The following ZBTB38 variants were observed in gnomAD, a reference collection of about 807,000 sequenced individuals.
The protein encoded by ZBTB38 is zinc finger and BTB domain-containing protein 38.
In ZBTB38, 20 loss-of-function variants were observed where a neutral mutation model predicts 76.8. The observed-to-expected ratio is 0.26, with a 90% CI of 0.18 to 0.38. The LOEUF (loss-of-function observed/expected upper bound fraction) is 0.38. Ranked by LOEUF, ZBTB38 falls within the 10% of genes least tolerant of loss-of-function variation. The pLI is 1.00. For synonymous variants in ZBTB38, 504 were observed against 544.2 expected (o/e 0.93, Z 1.03); for missense variants, 1,082 against 1,482.3 (o/e 0.73, Z 4.43).
chr3:141,340,356 A>G (rs1943137059), intron 1 of ZBTB38, among the ~76,000 whole-genome samples: 1 of 152,210 alleles, frequency 6.6e-6, no homozygotes, highest in African/African-American at 2.4e-5. Context: ...ACTTTGCCTA[A>G]AAGACCTATG....
At chr3:141,340,978 G>GAA (rs746550239) in intron 1 of ZBTB38, among the ~76,000 whole-genome samples, 46 of 116,748 alleles carry the variant, frequency 3.9e-4, no homozygotes, top group African/African-American at 1.9e-3. Context: ...AAGAAAGAAA[G>GAA]AAAGAAAGAA....
At chr3:141,400,800 T>C (rs1411996468) in intron 4 of ZBTB38, among the ~76,000 whole-genome samples, 4 of 152,218 alleles carry the variant, frequency 2.6e-5, no homozygotes, top group Non-Finnish European at 5.9e-5. Context: ...TTAAAATTAG[T>C]CCCATTTTAT....
At chr3:141,342,392 C>CAAAAAA (rs58284476) in intron 1 of ZBTB38, among the ~76,000 whole-genome samples, 1 of 97,624 alleles carries the variant, frequency 1.0e-5, no homozygotes, top group African/African-American at 3.6e-5. Context: ...GACTCTGTCT[C>CAAAAAA]AAAAAAAAAA....
intron 2 of ZBTB38, among the ~76,000 whole-genome samples, chr3:141,375,100 T>C (rs1027416171): frequency 6.6e-6 from 1 of 152,218 alleles, no homozygotes; most frequent in African/African-American, 2.4e-5. Flanking sequence ...CAAAAAAAAT[T>C]AGGAAACTCT....
chr3:141,404,931 A>G (rs1953839936), intron 5 of ZBTB38, among the ~76,000 whole-genome samples: 1 of 152,212 alleles, frequency 6.6e-6, no homozygotes, highest in Non-Finnish European at 1.5e-5. Context: ...CTGCTTCTCC[A>G]GCAGTTGCAG....
At chr3:141,434,611 T>C (rs2078331159) in intron 5 of ZBTB38, among the ~76,000 whole-genome samples, 1 of 152,180 alleles carries the variant, frequency 6.6e-6, no homozygotes, top group Non-Finnish European at 1.5e-5. Context: ...TTACATTATA[T>C]GTATGTGTTT....
intron 1 of ZBTB38, among the ~76,000 whole-genome samples, chr3:141,355,280 T>C (rs1475752916): frequency 6.6e-6 from 1 of 152,062 alleles, no homozygotes; most frequent in Non-Finnish European, 1.5e-5. Flanking sequence ...AGATTAAACT[T>C]GGCTACAAGG....
intron 1 of ZBTB38, among the ~76,000 whole-genome samples, chr3:141,348,258 C>T (rs556530363): frequency 1.3e-5 from 2 of 152,076 alleles, no homozygotes; most frequent in Non-Finnish European, 2.9e-5. Flanking sequence ...ATCATAAGCC[C>T]GTGAATAATT....
intron 1 of ZBTB38, among the ~76,000 whole-genome samples, chr3:141,334,694 C>T (rs916737150): frequency 1.3e-5 from 2 of 152,070 alleles, no homozygotes; most frequent in African/African-American, 4.8e-5. Context: ...CCTATACCTT[C>T]CCCAGCCCCC....
At chr3:141,390,106 T>C (rs989414486) in intron 4 of ZBTB38, 1 of 152,234 alleles carries the variant, frequency 6.6e-6, no homozygotes, top group Non-Finnish European at 1.5e-5. Flanking sequence ...TATTACTTCG[T>C]TGTGTTTCAC....
In ZBTB38 at chr3:141,443,337, C is replaced by A. The variant is rs142120837; in HGVS notation, c.949C>A (p.His317Asn). 2 of 1,614,190 alleles carry A rather than the reference C, an allele frequency of 1.2e-6. No individual in the cohort carries two copies. Among genetic ancestry groups the A allele is most frequent in the Non-Finnish European group, 1.7e-6 (2 of 1,180,026 alleles). Reference protein sequence around the residue: ...SKSPNNEGDVHFSREDENQSS... With the variant: ...SKSPNNEGDVNFSREDENQSS... ...ATCTCCAAACAATGAAGGAGATGTCCATTTTTCCAGGGAAGATGAAAATCA... is the reference window on the plus strand; with the variant it reads ...ATCTCCAAACAATGAAGGAGATGTCAATTTTTCCAGGGAAGATGAAAATCA... The change falls in exon 6 of 6, where the codon CAT becomes AAT. Residue 317 changes from histidine (H) to asparagine (N), a missense_variant. Physicochemically the swap from His to Asn is moderately conservative, Grantham distance 68. Around this residue, in one of 8 missense-constraint regions of ZBTB38, gnomAD observed 324 missense variants for 359.1 expected, o/e 0.90. Coordinates refer to ENST00000321464, the MANE Select transcript of ZBTB38 (RefSeq NM_001376113.1). This position sits in a 1 kb window ranked among gnomAD's most constrained non-coding sequence, Gnocchi z 5.6.
chr3:141,434,595 C>T (rs2078326469), intron 5 of ZBTB38, among the ~76,000 whole-genome samples: 1 of 152,080 alleles, frequency 6.6e-6, no homozygotes, highest in Non-Finnish European at 1.5e-5. Context: ...TCTAAAGTGC[C>T]TCTATTTACA....
chr3:141,445,408 C>T lies in ZBTB38; in HGVS notation c.3020C>T (p.Ser1007Phe). The part of the protein sequence containing the change: ...NQGRPHRHLT[S>F]RPYACELCAK... The stretch of plus-strand genomic sequence containing the variant: ...GGAAGGCCCCACCGACATCTTACTT[C>T]TCGGCCATATGCCTGCGAGCTCTGC... The change falls in exon 6 of 6, where the codon TCT becomes TTT. Residue 1007 changes from serine (S) to phenylalanine (F), a missense_variant. Physicochemically the swap from Ser to Phe is radical, Grantham distance 155. Coordinates refer to ENST00000321464, the MANE Select transcript of ZBTB38 (RefSeq NM_001376113.1). The surrounding 1 kb of genome is among the most constrained non-coding windows in gnomAD (Gnocchi z 6.5). 6.2e-7 allele frequency: 1 copy of T among 1,614,190 alleles called. No individual in the cohort carries two copies. The highest frequency in any genetic ancestry group is 2.2e-5 in the East Asian group (1 of 44,878).
chr3:141,443,420 T>C lies in ZBTB38; in HGVS notation c.1032T>C (p.Cys344=). 6.2e-7 allele frequency: 1 copy of C among 1,614,230 alleles called. No homozygotes were observed. Among genetic ancestry groups the C allele is most frequent in the Non-Finnish European group, 8.5e-7 (1 of 1,180,030 alleles). Reference sequence around the variant, plus strand: ...AGGTTCCACCTCTGGTGTACAATTGTAGCTGCTGTTCCAAAGCCTTTGACA... The same window carrying C: ...AGGTTCCACCTCTGGTGTACAATTGCAGCTGCTGTTCCAAAGCCTTTGACA... ...AAEVPPLVYN[C]SCCSKAFDSS... Residue 344 remains cysteine (C), a synonymous_variant, in exon 6 of 6, where the codon TGT becomes TGC. Transcript: ENST00000321464. This position sits in a 1 kb window ranked among gnomAD's most constrained non-coding sequence, Gnocchi z 5.6.
intron 4 of ZBTB38, among the ~76,000 whole-genome samples, chr3:141,391,646 A>T (rs1016960382): frequency 6.6e-6 from 1 of 152,180 alleles, no homozygotes; most frequent in Non-Finnish European, 1.5e-5. Context: ...CAGAAGAAAG[A>T]CCTCTCAGAG....
intron 5 of ZBTB38, among the ~76,000 whole-genome samples, chr3:141,432,418 C>T (rs1166147220): frequency 6.6e-6 from 1 of 152,102 alleles, no homozygotes; most frequent in Non-Finnish European, 1.5e-5. Flanking sequence ...TTGGCCTTTT[C>T]CTCTGATTAG....
At chr3:141,415,980 G>T (rs1020221584) in intron 5 of ZBTB38, among the ~76,000 whole-genome samples, 7 of 152,276 alleles carry the variant, frequency 4.6e-5, no homozygotes, top group Middle Eastern at 3.4e-3. Flanking sequence ...GGTGGAACGT[G>T]TATCAGTATA....
chr3:141,378,366 AC>A (rs1945698222), intron 2 of ZBTB38, among the ~76,000 whole-genome samples: 5 of 73,346 alleles, frequency 6.8e-5, no homozygotes, highest in African/African-American at 1.2e-4. Context: ...ACAGGTACAC[AC>A]ACACACACAC....
intron 1 of ZBTB38, among the ~76,000 whole-genome samples, chr3:141,331,158 T>A (rs1045962921): frequency 1.3e-5 from 2 of 152,214 alleles, no homozygotes; most frequent in Non-Finnish European, 2.9e-5. Context: ...ATCTCATGAG[T>A]CATGACATCA....
Sources: gnomAD v4.1 joint callset for allele counts (sites outside exome capture counted in the v4.1 genomes callset) on GRCh38, gnomAD v4.1.1 for gene constraint, gnomAD v4.1.1 regional missense constraint, Gnocchi (gnomAD v3.1) non-coding constraint, MANE v1.5 for transcripts, NCBI Gene and HGNC (gene_info 2026-07-23, HGNC 2026-07-21) for gene names.